Variants in KCNIP4 observed in about 807,000 individuals in gnomAD.
KCNIP4 encodes the protein potassium voltage-gated channel interacting protein 4.
KCNIP4 carries 12 observed loss-of-function variants against 34.0 expected under a neutral mutation model. The observed-to-expected ratio is 0.35, with a 90% CI of 0.23 to 0.57. KCNIP4 has a LOEUF of 0.57. Among genes scored for constraint, KCNIP4 ranks in the 20% least tolerant of loss-of-function variants. The pLI is 0.83. For missense variants in KCNIP4, 238 were observed against 311.7 expected (o/e 0.76, Z 1.78); for synonymous variants, 124 against 102.2 (o/e 1.21, Z -1.29).
intron 1 of KCNIP4, among the ~76,000 whole-genome samples, chr4:21,216,125 C>G (rs941581022): frequency 1.3e-5 from 2 of 152,108 alleles, no homozygotes; most frequent in East Asian, 3.9e-4. Flanking sequence ...ATGCAAAGGG[C>G]GGTTGAGAAA....
chr4:21,728,777 GC>G (rs1405705806), intron 1 of KCNIP4, among the ~76,000 whole-genome samples: 4 of 152,092 alleles, frequency 2.6e-5, no homozygotes, highest in African/African-American at 9.7e-5. Flanking sequence ...CCCTGGGGAA[GC>G]CCTTCTTAAG....
intron 1 of KCNIP4, among the ~76,000 whole-genome samples, chr4:21,014,415 C>A (rs1255971636): frequency 6.6e-6 from 1 of 152,202 alleles, no homozygotes; most frequent in South Asian, 2.1e-4. Flanking sequence ...AAGGAAACAT[C>A]CAAATTTATT....
intron 1 of KCNIP4, among the ~76,000 whole-genome samples, chr4:21,238,185 C>T (rs922862348): frequency 3.3e-5 from 5 of 152,156 alleles, no homozygotes; most frequent in African/African-American, 1.2e-4. Context: ...AACAAGGCTT[C>T]ATGCTAAAAA....
intron 8 of KCNIP4, among the ~76,000 whole-genome samples, chr4:20,730,485 A>G (rs1747791278): frequency 6.6e-6 from 1 of 152,316 alleles, no homozygotes; most frequent in East Asian, 1.9e-4. Flanking sequence ...TTCTATGTAG[A>G]TCACAGGCCA....
intron 1 of KCNIP4, among the ~76,000 whole-genome samples, chr4:21,300,206 G>T (rs538247881): frequency 1.3e-5 from 2 of 152,236 alleles, no homozygotes; most frequent in African/African-American, 4.8e-5. Context: ...TAGAGATAAT[G>T]AAATTGCTTT....
At chr4:21,814,569 A>C (rs550900205) in intron 1 of KCNIP4, among the ~76,000 whole-genome samples, 2 of 152,246 alleles carry the variant, frequency 1.3e-5, no homozygotes, top group Non-Finnish European at 2.9e-5. Flanking sequence ...TCTTTCCTTT[A>C]TAAATTACCC....
At chr4:20,760,417 A>G (rs2149361004) in intron 3 of KCNIP4, among the ~76,000 whole-genome samples, 1 of 152,248 alleles carries the variant, frequency 6.6e-6, no homozygotes, top group South Asian at 2.1e-4. Flanking sequence ...CCTTAAAATC[A>G]TTGTTCCCTC....
chr4:21,841,354 T>C (rs1723664730), intron 1 of KCNIP4, among the ~76,000 whole-genome samples: 1 of 152,194 alleles, frequency 6.6e-6, no homozygotes, highest in Non-Finnish European at 1.5e-5. Flanking sequence ...TTACCTGGTC[T>C]CTTTTTAAAC....
intron 1 of KCNIP4, among the ~76,000 whole-genome samples, chr4:21,770,380 G>T (rs1306054500): frequency 6.6e-6 from 1 of 152,026 alleles, no homozygotes; most frequent in Non-Finnish European, 1.5e-5. Flanking sequence ...ATGGGTATTT[G>T]GGTTGGTTCC....
intron 1 of KCNIP4, among the ~76,000 whole-genome samples, chr4:21,744,097 A>C (rs1412257850): frequency 6.6e-6 from 1 of 152,136 alleles, no homozygotes; most frequent in Non-Finnish European, 1.5e-5. Flanking sequence ...AAATGATGTA[A>C]GGTTAAGGAC....
At chr4:20,785,645 A>G (rs1356908445) in intron 3 of KCNIP4, among the ~76,000 whole-genome samples, 1 of 152,190 alleles carries the variant, frequency 6.6e-6, no homozygotes, top group African/African-American at 2.4e-5. Context: ...TTTAATGTGA[A>G]TTTTGGAAAA....
At chr4:21,498,950 G>GGTA (rs1733074872) in intron 1 of KCNIP4, among the ~76,000 whole-genome samples, 2 of 152,210 alleles carry the variant, frequency 1.3e-5, no homozygotes, top group South Asian at 4.2e-4. Context: ...GCTGGCAAAT[G>GGTA]GTAAACTCAC....
chr4:21,871,092 C>T (rs1725767542), intron 1 of KCNIP4, among the ~76,000 whole-genome samples: 1 of 151,576 alleles, frequency 6.6e-6, no homozygotes, highest in Admixed American at 6.6e-5. Flanking sequence ...TGAGCATGTC[C>T]TTCAAGAGCC....
chr4:21,295,159 G>A (rs1217914440), intron 1 of KCNIP4, among the ~76,000 whole-genome samples: 2 of 152,146 alleles, frequency 1.3e-5, no homozygotes, highest in East Asian at 3.9e-4. Flanking sequence ...CTCACCCCAT[G>A]TGGAAGGTAG....
chr4:21,757,182 G>A (rs1261374465), intron 1 of KCNIP4, among the ~76,000 whole-genome samples: 789 of 28,548 alleles, frequency 0.028, 11 homozygotes, highest in East Asian at 0.083. Flanking sequence ...AAGGAAGGAA[G>A]GAAGGAAGGA....
intron 1 of KCNIP4, among the ~76,000 whole-genome samples, chr4:21,388,060 G>A (rs974625500): frequency 4.5e-5 from 5 of 110,116 alleles, no homozygotes; most frequent in Non-Finnish European, 1.0e-4. Context: ...CAGCTAGAGA[G>A]GGCTGCTTTG....
chr4:20,827,550 G>A (rs967481741), intron 3 of KCNIP4, among the ~76,000 whole-genome samples: 3 of 152,092 alleles, frequency 2.0e-5, no homozygotes, highest in African/African-American at 4.8e-5. Context: ...GGTACTGGAT[G>A]TTGGGACTTC....
At chr4:21,771,642 C>T (rs1288950645) in intron 1 of KCNIP4, among the ~76,000 whole-genome samples, 1 of 150,432 alleles carries the variant, frequency 6.6e-6, no homozygotes, top group African/African-American at 2.4e-5. Context: ...GTAGTTCTCA[C>T]ATCCCTCGTT....
At chr4:21,147,939 C>CAAAAAAAAAAA (rs377562727) in intron 1 of KCNIP4, among the ~76,000 whole-genome samples, 2,260 of 30,660 alleles carry the variant, frequency 0.074, 186 homozygotes, top group Non-Finnish European at 0.11. Flanking sequence ...AACTCCGTCT[C>CAAAAAAAAAAA]AAAAAAAAAA....
Sources: allele counts gnomAD v4.1 joint callset (sites outside exome capture counted in the v4.1 genomes callset), GRCh38; gene constraint gnomAD v4.1.1; transcripts MANE v1.5; gene names NCBI Gene and HGNC (gene_info 2026-07-23, HGNC 2026-07-21).